The following RHOBTB3 variants were observed in gnomAD, a reference collection of about 807,000 sequenced individuals.
RHOBTB3 encodes rho-related BTB domain-containing protein 3.
RHOBTB3 carries 47 observed loss-of-function variants against 67.2 expected under a neutral mutation model. That is an observed-to-expected ratio of 0.70 (90% CI 0.55 to 0.89). The LOEUF is 0.89. Ranked by LOEUF, RHOBTB3 falls within the 40% of genes least tolerant of loss-of-function variation. The probability of loss-of-function intolerance (pLI) is 0.00; values close to 1 mark genes in which losing one functional copy is unlikely to be tolerated. For synonymous variants in RHOBTB3, 273 were observed against 274.2 expected (o/e 1.00, Z 0.04); for missense variants, 631 against 750.0 (o/e 0.84, Z 1.85).
At chr5:95,779,952 A>G in intron 8 of RHOBTB3, 1 of 342,246 alleles carries the variant, frequency 2.9e-6, no homozygotes, top group African/African-American at 2.1e-5. Flanking sequence ...ATGTTTCATT[A>G]TAAAAATATG....
At chr5:95,776,876 A>G (rs1250609843) in intron 8 of RHOBTB3, among the ~76,000 whole-genome samples, 1 of 152,208 alleles carries the variant, frequency 6.6e-6, no homozygotes, top group African/African-American at 2.4e-5. Context: ...CTTCACCTGC[A>G]GTGGCAGCTA....
At chr5:95,741,613 G>A (rs1755603171) in intron 3 of RHOBTB3, among the ~76,000 whole-genome samples, 2 of 147,140 alleles carry the variant, frequency 1.4e-5, no homozygotes, top group Admixed American at 1.4e-4. Context: ...CCTGCCACAG[G>A]CTCCCAAGTA....
intron 3 of RHOBTB3, 116 bp downstream of exon 3, chr5:95,737,191 G>A (rs1004852081): frequency 3.2e-6 from 2 of 632,474 alleles, no homozygotes; most frequent in Non-Finnish European, 5.2e-6. Flanking sequence ...AATGACTTTG[G>A]TTCAATGCCA....
rs1286899821 is a variant in RHOBTB3, at chr5:95,755,634, T to C, written c.921T>C (p.Ala307=). 1 of 1,614,180 alleles carries C rather than the reference T, an allele frequency of 6.2e-7. No individual in the cohort carries two copies. Among genetic ancestry groups the C allele is most frequent in the African/African-American group, 1.3e-5 (1 of 75,060 alleles). The change falls in exon 6 of 12, where the codon GCT becomes GCC. Residue 307 remains alanine, a synonymous_variant. Transcript: ENST00000379982. ...SIIRTTQDLF[A]INRDTAFPGA... ...TCCGAACTACCCAGGATCTTTTTGC[T>C]ATAAACAGAGATACTGCATTTCCAG... is the stretch of plus-strand genomic sequence containing the variant.
intron 3 of RHOBTB3, among the ~76,000 whole-genome samples, chr5:95,738,236 A>G (rs544370595): frequency 2.8e-4 from 43 of 152,300 alleles, no homozygotes; most frequent in African/African-American, 8.9e-4. Flanking sequence ...CCGTGACCCC[A>G]TATCCCCTCT....
rs375984915 is a variant in RHOBTB3 at position 95,731,849 on chromosome 5, G to A, written c.3-10G>A. On this transcript the variant is annotated splice_polypyrimidine_tract_variant and intron_variant, in intron 1 of 11. Transcript: ENST00000379982. ...CTTCCCTTCTCCCCTCGCCCCCTCT[G>A]TCCGTGCAGGTCCATCCACATCGTG... 8.1e-6 allele frequency: 13 copies of A among 1,608,312 alleles called. No homozygotes were observed. The African/African-American group carries it at 1.3e-4, about 17-fold the overall frequency.
chr5:95,739,270 T>C (rs1385842325), intron 3 of RHOBTB3, among the ~76,000 whole-genome samples: 8 of 152,186 alleles, frequency 5.3e-5, no homozygotes, highest in African/African-American at 1.9e-4. Flanking sequence ...GCTTTTACAT[T>C]TTAAACAAAT....
chr5:95,742,689 T>C (rs1252588149), intron 3 of RHOBTB3, among the ~76,000 whole-genome samples: 1 of 152,248 alleles, frequency 6.6e-6, no homozygotes, highest in Non-Finnish European at 1.5e-5. Context: ...CCTTATTAAA[T>C]TTTTTATTTC....
intron 11 of RHOBTB3, among the ~76,000 whole-genome samples, chr5:95,792,109 G>A (rs1472907977): frequency 6.6e-6 from 1 of 152,216 alleles, no homozygotes; most frequent in African/African-American, 2.4e-5. Context: ...AAAGCAGGCA[G>A]GGCAGCAGCA....
chr5:95,772,064 T>C (rs745345842), intron 8 of RHOBTB3, among the ~76,000 whole-genome samples: 14 of 152,332 alleles, frequency 9.2e-5, no homozygotes, highest in South Asian at 2.1e-4. Flanking sequence ...GATGACTTCC[T>C]GGCACTGGGG....
chr5:95,768,140 T>G lies in RHOBTB3; in HGVS notation c.1256T>G (p.Leu419Arg), dbSNP rs1206115383. The stretch of plus-strand genomic sequence containing the variant: ...AAGTTTTTCCTTAATAAGCCGATGC[T>G]TGCCGATGTTGTCTTCGAAATTCAA... ...SLKFFLNKPM[L>R]ADVVFEIQGT... The change falls in exon 8 of 12, where the codon CTT (leucine) becomes CGT (arginine). Residue 419 changes from leucine (L) to arginine (R), a missense_variant. By Grantham distance (102) the Leu-to-Arg change is moderately radical (BLOSUM62 -2). Coordinates refer to ENST00000379982, the MANE Select transcript of RHOBTB3 (RefSeq NM_014899.4). 1 of 1,612,958 alleles carries G rather than the reference T, an allele frequency of 6.2e-7. No homozygotes were observed. Among genetic ancestry groups the G allele is most frequent in the African/African-American group, 1.3e-5 (1 of 74,878 alleles).
At chr5:95,780,767 C>G (rs1204200398) in intron 9 of RHOBTB3, among the ~76,000 whole-genome samples, 1 of 152,174 alleles carries the variant, frequency 6.6e-6, no homozygotes, top group African/African-American at 2.4e-5. Context: ...CAGATTGTTA[C>G]TTGGAGCGCT....
At chr5:95,721,674 C>A (rs1754883323) in intron 1 of RHOBTB3, among the ~76,000 whole-genome samples, 1 of 142,456 alleles carries the variant, frequency 7.0e-6, no homozygotes, top group African/African-American at 2.6e-5. Context: ...AGAGGAATAT[C>A]TGATTCTACT....
At chr5:95,739,015 C>T (rs1755530644) in intron 3 of RHOBTB3, among the ~76,000 whole-genome samples, 1 of 152,194 alleles carries the variant, frequency 6.6e-6, no homozygotes, top group Non-Finnish European at 1.5e-5. Context: ...CCTGTTCTTA[C>T]TCTTCAGCCA....
chr5:95,780,152 T>C lies in RHOBTB3; in HGVS notation c.1283-100T>C, dbSNP rs141794061. On this transcript the variant is annotated intron_variant, in intron 8 of 11. Transcript: ENST00000379982. The stretch of plus-strand genomic sequence containing the variant: ...CAAATTCAGATTCTGCATATCAGCC[T>C]AGCTGTCCCTAATGTGGTAGTCTAA... The C allele has an allele frequency of 2.0e-4, 168 of 860,380 alleles. No individual in the cohort carries two copies. The East Asian group carries it at 4.4e-3, about 23-fold the overall frequency. 53.3% of individuals were successfully genotyped at this position (860,380 alleles called of 1,614,324 possible).
intron 8 of RHOBTB3, among the ~76,000 whole-genome samples, chr5:95,774,988 T>C (rs1745824955): frequency 1.3e-5 from 2 of 152,110 alleles, no homozygotes; most frequent in African/African-American, 4.8e-5. Flanking sequence ...TGTATTTTGG[T>C]ATTGGTATTC....
At chr5:95,782,733 C>G (rs1280823309) in intron 9 of RHOBTB3, 1 of 149,416 alleles carries the variant, frequency 6.7e-6, no homozygotes, top group African/African-American at 2.5e-5. Context: ...TGGCGTGAAC[C>G]CAGGAGGAGG....
At position 95,793,378 on chromosome 5, in the gene RHOBTB3, A is replaced by C; in HGVS notation, c.*204A>C. ...CAAAATATACCATAGGCTAAAACTA[A>C]GGCTTTCACTCTAGAATGCAAAGCT... is the stretch of plus-strand genomic sequence containing the variant. On this transcript the variant is annotated 3_prime_UTR_variant, in exon 12 of 12. Coordinates refer to ENST00000379982, the MANE Select transcript of RHOBTB3 (RefSeq NM_014899.4). 2.5e-6 allele frequency: 1 copy of C among 399,406 alleles called. No homozygotes were observed. 24.7% of individuals were successfully genotyped at this position (399,406 alleles called of 1,614,324 possible).
At chr5:95,754,404 G>A (rs1253535853) in intron 5 of RHOBTB3, among the ~76,000 whole-genome samples, 1 of 152,198 alleles carries the variant, frequency 6.6e-6, no homozygotes, top group Non-Finnish European at 1.5e-5. Flanking sequence ...AGGGAGGAGG[G>A]TGGACTGGAA....
Sources: gnomAD v4.1 joint callset for allele counts (sites outside exome capture counted in the v4.1 genomes callset) on GRCh38, gnomAD v4.1.1 for gene constraint, MANE v1.5 for transcripts, NCBI Gene and HGNC (gene_info 2026-07-23, HGNC 2026-07-21) for gene names.